Variants in KCNIP4 observed in about 807,000 individuals in gnomAD.
KCNIP4 encodes potassium voltage-gated channel interacting protein 4, also known as Kv channel-interacting protein 4.
Under a neutral mutation model 34.0 loss-of-function variants are expected in KCNIP4, and 12 were observed. The observed-to-expected ratio is 0.35, with a 90% CI of 0.23 to 0.57. The LOEUF is 0.57. KCNIP4 is among the 20% of genes least tolerant of loss of function. KCNIP4 has a pLI of 0.83. For synonymous variants in KCNIP4, 124 were observed against 102.2 expected (o/e 1.21, Z -1.29); for missense variants, 238 against 311.7 (o/e 0.76, Z 1.78).
intron 1 of KCNIP4, among the ~76,000 whole-genome samples, chr4:21,191,758 T>C (rs1225641695): frequency 6.6e-6 from 1 of 152,238 alleles, no homozygotes; most frequent in African/African-American, 2.4e-5. Flanking sequence ...TTCCAAATAG[T>C]ATGGCTTTTA....
intron 1 of KCNIP4, among the ~76,000 whole-genome samples, chr4:20,987,610 A>G (rs1736688775): frequency 6.6e-6 from 1 of 152,226 alleles, no homozygotes; most frequent in African/African-American, 2.4e-5. Flanking sequence ...ACATTCAACA[A>G]GGGACATAAC....
intron 1 of KCNIP4, among the ~76,000 whole-genome samples, chr4:21,381,624 T>C (rs565460646): frequency 3.3e-5 from 5 of 152,334 alleles, no homozygotes; most frequent in Non-Finnish European, 7.3e-5. Flanking sequence ...ATTCACTATA[T>C]TGATTTATTC....
At chr4:21,505,510 C>T (rs1375688640) in intron 1 of KCNIP4, among the ~76,000 whole-genome samples, 1 of 152,202 alleles carries the variant, frequency 6.6e-6, no homozygotes, top group African/African-American at 2.4e-5. Flanking sequence ...CAACTGTCCC[C>T]TCTGCCTGGG....
At chr4:20,896,173 G>C (rs577087320) in intron 1 of KCNIP4, among the ~76,000 whole-genome samples, 1 of 152,204 alleles carries the variant, frequency 6.6e-6, no homozygotes, top group African/African-American at 2.4e-5. Context: ...TGCATGCTCG[G>C]TTTGCCAGTT....
At chr4:21,386,057 C>G (rs1721998980) in intron 1 of KCNIP4, among the ~76,000 whole-genome samples, 2 of 151,990 alleles carry the variant, frequency 1.3e-5, no homozygotes, top group Admixed American at 6.6e-5. Context: ...TGTAATGGGT[C>G]GTATAAATAT....
chr4:21,430,658 T>A (rs1469078489), intron 1 of KCNIP4, among the ~76,000 whole-genome samples: 1 of 152,082 alleles, frequency 6.6e-6, no homozygotes, highest in Non-Finnish European at 1.5e-5. Context: ...TAATCTTTAA[T>A]CCTTACAATA....
At chr4:21,199,992 G>A (rs1756349598) in intron 1 of KCNIP4, among the ~76,000 whole-genome samples, 1 of 151,992 alleles carries the variant, frequency 6.6e-6, no homozygotes, top group Non-Finnish European at 1.5e-5. Context: ...ATTGAACAAT[G>A]AGAACACCTG....
rs528399570 is a variant in KCNIP4, at chr4:21,102,871, C to T, written c.62-220162G>A. Among the ~76,000 whole-genome samples the T allele has an allele frequency of 3.9e-5, 6 of 152,284 alleles. No homozygotes were observed. The South Asian group carries it at 1.2e-3, about 32-fold the overall frequency. Reference sequence around the variant, plus strand: ...GTTCTGTGGTTATGCATTTCCCTTTCTAATTTCACTTTGTTTCCTTTCTGG... The same window carrying T: ...GTTCTGTGGTTATGCATTTCCCTTTTTAATTTCACTTTGTTTCCTTTCTGG... On this transcript the variant is annotated intron_variant, in intron 1 of 8. Transcript: ENST00000382152.
chr4:21,801,225 C>T (rs979596174), intron 1 of KCNIP4, among the ~76,000 whole-genome samples: 9 of 152,096 alleles, frequency 5.9e-5, no homozygotes, highest in Admixed American at 3.3e-4. Flanking sequence ...GTATTTGACA[C>T]GTAATCTTTT....
chr4:21,599,056 A>G (rs1290981682), intron 1 of KCNIP4, among the ~76,000 whole-genome samples: 2 of 152,064 alleles, frequency 1.3e-5, no homozygotes, highest in African/African-American at 4.8e-5. Context: ...TTTGCTGTCA[A>G]CATTCGTCAG....
intron 1 of KCNIP4, among the ~76,000 whole-genome samples, chr4:21,147,776 T>C (rs939984762): frequency 6.6e-6 from 1 of 151,194 alleles, no homozygotes; most frequent in African/African-American, 2.4e-5. Flanking sequence ...CTGTCTCTAC[T>C]AAAAATACAA....
intron 3 of KCNIP4, among the ~76,000 whole-genome samples, chr4:20,839,177 T>C (rs1719416138): frequency 6.6e-6 from 1 of 152,138 alleles, no homozygotes; most frequent in Admixed American, 6.6e-5. Context: ...TCTGTATGTG[T>C]GAATATATGT....
Position 21,452,949 on chromosome 4 carries a change from T to C in KCNIP4, c.61+495622A>G, listed in dbSNP as rs868240694. 4.6e-5 allele frequency among the ~76,000 whole-genome samples: 7 copies of C among 152,286 alleles called. No homozygotes were observed. In the South Asian group the frequency reaches 1.2e-3, roughly 27 times the overall value. The stretch of plus-strand genomic sequence containing the variant: ...TAATAAACCTGTTTCATTCTGCATA[T>C]ATACTTATTCAAGAAGAGGAATGTT... On this transcript the variant is annotated intron_variant, in intron 1 of 8. Transcript: ENST00000382152.
chr4:21,712,381 G>A (rs1432090015), intron 1 of KCNIP4, among the ~76,000 whole-genome samples: 1 of 152,108 alleles, frequency 6.6e-6, no homozygotes, highest in Non-Finnish European at 1.5e-5. Flanking sequence ...GTCTCCTCGT[G>A]TGCTAGTGAA....
intron 1 of KCNIP4, among the ~76,000 whole-genome samples, chr4:21,241,365 T>C (rs1759800539): frequency 6.6e-6 from 1 of 152,214 alleles, no homozygotes; most frequent in Admixed American, 6.5e-5. Flanking sequence ...TTAAAGATGT[T>C]ATTTTGAAAT....
At chr4:20,803,033 C>T (rs1714546399) in intron 3 of KCNIP4, among the ~76,000 whole-genome samples, 1 of 148,076 alleles carries the variant, frequency 6.8e-6, no homozygotes, top group Admixed American at 6.7e-5. Flanking sequence ...AGAGATCGCT[C>T]CACTGCACTC....
At chr4:21,520,680 C>T (rs960771825) in intron 1 of KCNIP4, among the ~76,000 whole-genome samples, 7 of 152,130 alleles carry the variant, frequency 4.6e-5, no homozygotes, top group Admixed American at 1.3e-4. Flanking sequence ...TTTTGCAAGA[C>T]AATCTATTTC....
At chr4:21,773,238 C>T (rs28850718) in intron 1 of KCNIP4, among the ~76,000 whole-genome samples, 22,607 of 152,068 alleles carry the variant, frequency 0.15, 5,658 homozygotes, top group African/African-American at 0.52. Context: ...GAGTGAGATT[C>T]TTAATGCTGG....
chr4:21,190,450 C>A (rs1220461963), intron 1 of KCNIP4, among the ~76,000 whole-genome samples: 2 of 130,246 alleles, frequency 1.5e-5, no homozygotes, highest in African/African-American at 6.7e-5. Flanking sequence ...GTGTGCCACA[C>A]CTCCCTTACC....
Sources: allele counts gnomAD v4.1 joint callset (sites outside exome capture counted in the v4.1 genomes callset), GRCh38; gene constraint gnomAD v4.1.1; transcripts MANE v1.5; gene names NCBI Gene and HGNC (gene_info 2026-07-23, HGNC 2026-07-21).